Variants in GLIS1 observed in about 807,000 individuals in gnomAD.
GLIS1 encodes zinc finger protein GLIS1.
A neutral mutation model predicts 63.8 loss-of-function variants in GLIS1; 24 were observed. That is an observed-to-expected ratio of 0.38 (90% CI 0.27 to 0.53). GLIS1 has a LOEUF of 0.53. Ranked by LOEUF, GLIS1 falls within the 20% of genes least tolerant of loss-of-function variation. The pLI is 0.85. For synonymous variants in GLIS1, 450 were observed against 482.5 expected (o/e 0.93, Z 0.88); for missense variants, 1,036 against 1,074.1 (o/e 0.96, Z 0.50).
Position 53,511,737 on chromosome 1 carries a change from G to A in GLIS1, c.1884-1710C>T, listed in dbSNP as rs1166959064. ...CTAGAAACCGTGGACAGCTGTGCAC[G>A]AGCTGTGTGTTCTCATGACCAGTTC... On this transcript the variant is annotated intron_variant, in intron 8 of 10. Transcript: ENST00000628545. The surrounding 1 kb of genome is among the most constrained non-coding windows in gnomAD (Gnocchi z 4.2). Among the ~76,000 whole-genome samples the A allele has an allele frequency of 1.3e-5, 2 of 152,208 alleles. No homozygotes were observed. The highest frequency in any genetic ancestry group is 6.5e-5 in the Admixed American group (1 of 15,280).
intron 4 of GLIS1, among the ~76,000 whole-genome samples, chr1:53,533,468 T>G (rs540343055): frequency 6.6e-6 from 1 of 152,178 alleles, no homozygotes; most frequent in South Asian, 2.1e-4. Context: ...TGTGCCCATG[T>G]ATGTTGGCCC....
At chr1:53,653,120 C>T (rs562783890) in intron 2 of GLIS1, among the ~76,000 whole-genome samples, 2 of 152,300 alleles carry the variant, frequency 1.3e-5, no homozygotes, top group Admixed American at 6.5e-5. Flanking sequence ...GGCTGGAGGT[C>T]GGACTGGGTA....
At chr1:53,652,902 A>C (rs1645924368) in intron 2 of GLIS1, among the ~76,000 whole-genome samples, 1 of 152,166 alleles carries the variant, frequency 6.6e-6, no homozygotes, top group African/African-American at 2.4e-5. Flanking sequence ...CATCTCACTG[A>C]GCTTCCATTT....
intron 2 of GLIS1, among the ~76,000 whole-genome samples, chr1:53,651,079 G>A (rs1025825106): frequency 5.3e-5 from 8 of 152,130 alleles, no homozygotes; most frequent in African/African-American, 1.4e-4. Context: ...CTGTCACCAC[G>A]ACAGTAAAAA....
intron 2 of GLIS1, among the ~76,000 whole-genome samples, chr1:53,652,869 G>A (rs1645924004): frequency 6.6e-6 from 1 of 152,340 alleles, no homozygotes; most frequent in East Asian, 1.9e-4. Context: ...CCCTGGCCAT[G>A]TGGTCCTGGG....
chr1:53,633,198 G>T (rs941218059), intron 2 of GLIS1, among the ~76,000 whole-genome samples: 3 of 150,188 alleles, frequency 2.0e-5, no homozygotes, highest in Non-Finnish European at 4.4e-5. Context: ...TGTGAGGTGT[G>T]AATGTGACTG....
At chr1:53,610,710 C>T (rs116366555) in intron 2 of GLIS1, among the ~76,000 whole-genome samples, 2,574 of 152,280 alleles carry the variant, frequency 0.017, 35 homozygotes, top group Non-Finnish European at 0.027. Context: ...TGTGTCACAA[C>T]GTCTTCTGTC....
chr1:53,532,450 G>T (rs530236189), intron 4 of GLIS1, among the ~76,000 whole-genome samples: 5 of 152,314 alleles, frequency 3.3e-5, no homozygotes, highest in Non-Finnish European at 7.4e-5. Context: ...TGCTGGGGCG[G>T]GTCCAAGGCG....
Position 53,639,439 on chromosome 1 carries a change from G to C in GLIS1, c.260-39161C>G, listed in dbSNP as rs544979460. Among the ~76,000 whole-genome samples the C allele has an allele frequency of 6.6e-6, 1 of 151,958 alleles. No homozygotes were observed. Among genetic ancestry groups the C allele is most frequent in the Non-Finnish European group, 1.5e-5 (1 of 68,004 alleles). ...CACTCTGAGAACGCCTGTCCCTCTC[G>C]GGGCTGGCAGGAGGCACCCCATAAA... is the stretch of plus-strand genomic sequence containing the variant. On this transcript the variant is annotated intron_variant, in intron 2 of 10. Transcript: ENST00000628545. This position sits in a 1 kb window ranked among gnomAD's most constrained non-coding sequence, Gnocchi z 4.6.
chr1:53,583,791 C>CA (rs1294294004), intron 4 of GLIS1, among the ~76,000 whole-genome samples: 1 of 152,238 alleles, frequency 6.6e-6, no homozygotes, highest in African/African-American at 2.4e-5. Context: ...ACGGAGGCCC[C>CA]AGTCCTGGCA....
At chr1:53,692,295 T>C (rs1646413990) in intron 2 of GLIS1, among the ~76,000 whole-genome samples, 1 of 152,186 alleles carries the variant, frequency 6.6e-6, no homozygotes, top group South Asian at 2.1e-4. Context: ...TGTCATATCC[T>C]TGCTCAAAAT....
intron 2 of GLIS1, among the ~76,000 whole-genome samples, chr1:53,706,323 T>C (rs1448217554): frequency 6.6e-6 from 1 of 152,238 alleles, no homozygotes; most frequent in African/African-American, 2.4e-5. Context: ...GGCTGGTCTC[T>C]GTAGGAAAGC....
intron 4 of GLIS1, among the ~76,000 whole-genome samples, chr1:53,556,240 GGT>G (rs562739394): frequency 9.8e-4 from 120 of 122,330 alleles, no homozygotes; most frequent in East Asian, 1.4e-3. Context: ...GTGTACTGTA[GGT>G]GTGTGTGTGT....
At chr1:53,671,903 CCTT>C (rs1245991477) in intron 2 of GLIS1, among the ~76,000 whole-genome samples, 2 of 152,152 alleles carry the variant, frequency 1.3e-5, no homozygotes, top group East Asian at 1.9e-4. Flanking sequence ...TCCTTCCCCT[CCTT>C]CTCAACTTTT....
At chr1:53,548,188 T>A (rs555962830) in intron 4 of GLIS1, among the ~76,000 whole-genome samples, 1 of 152,174 alleles carries the variant, frequency 6.6e-6, no homozygotes, top group African/African-American at 2.4e-5. Flanking sequence ...GTTCTGGCTC[T>A]GGCACTCCAC....
chr1:53,573,885 C>A (rs187395415), intron 4 of GLIS1, among the ~76,000 whole-genome samples: 3 of 152,322 alleles, frequency 2.0e-5, no homozygotes, highest in African/African-American at 4.8e-5. Flanking sequence ...CTTGGTTGCT[C>A]AGCAAGCCTG....
intron 5 of GLIS1, among the ~76,000 whole-genome samples, chr1:53,529,552 A>G (rs545848350): frequency 6.6e-6 from 1 of 152,150 alleles, no homozygotes. Flanking sequence ...GGCATCAGAG[A>G]GTTTTGGTTG....
chr1:53,738,619 C>T (rs563202725), intron 1 of GLIS1, among the ~76,000 whole-genome samples: 2 of 152,308 alleles, frequency 1.3e-5, no homozygotes, highest in African/African-American at 4.8e-5. Flanking sequence ...CCGAGGGAAA[C>T]CCCCAGAGAC....
At chr1:53,650,129 AG>A (rs1293305967) in intron 2 of GLIS1, among the ~76,000 whole-genome samples, 1 of 152,200 alleles carries the variant, frequency 6.6e-6, no homozygotes, top group Non-Finnish European at 1.5e-5. Flanking sequence ...TTAGTGTTCA[AG>A]TCACAGTTTG....
Sources: allele counts gnomAD v4.1 joint callset (sites outside exome capture counted in the v4.1 genomes callset), GRCh38; gene constraint gnomAD v4.1.1; non-coding constraint Gnocchi (gnomAD v3.1); transcripts MANE v1.5; gene names NCBI Gene and HGNC (gene_info 2026-07-23, HGNC 2026-07-21).